Variants in PRRC2A observed in about 807,000 individuals in gnomAD.
PRRC2A encodes the protein proline rich coiled-coil 2A, also known as protein PRRC2A.
Under a neutral mutation model 224.6 loss-of-function variants are expected in PRRC2A, and 59 were observed. The observed-to-expected ratio is 0.26, with a 90% CI of 0.21 to 0.33. The LOEUF (loss-of-function observed/expected upper bound fraction) is 0.33, where lower values mean the gene tolerates loss of function less well. PRRC2A is among the 10% of genes least tolerant of loss of function. The pLI, the probability that PRRC2A is intolerant of heterozygous loss-of-function variation, is 1.00. For synonymous variants in PRRC2A, 1,194 were observed against 1,109.5 expected, an observed-to-expected ratio of 1.08 and a Z score of -1.51; for missense variants, 3,095 against 2,880.7, an observed-to-expected ratio of 1.07 and a Z score of -1.70.
Position 31,633,421 on chromosome 6 carries a change from C to A in PRRC2A, c.4362C>A (p.Pro1454=). ...GTCCCCCGGGGCTTCCCCTGCCTCCCCCACCTCCCAGCAGTTCTGCTGTCT... is the reference window on the plus strand; with the variant it reads ...GTCCCCCGGGGCTTCCCCTGCCTCCACCACCTCCCAGCAGTTCTGCTGTCT... ...EERPPGLPLP[P]PPPSSSAVFR... The change falls in exon 17 of 31, where the codon CCC becomes CCA. Residue 1454 remains proline (P), a synonymous_variant. Transcript: ENST00000376033. 1 of 1,613,066 alleles carries A rather than the reference C, an allele frequency of 6.2e-7. No homozygotes were observed. Among genetic ancestry groups the A allele is most frequent in the Non-Finnish European group, 8.5e-7 (1 of 1,180,014 alleles).
At chr6:31,630,280 G>A (rs182385042) in intron 14 of PRRC2A, among the ~76,000 whole-genome samples, 30 of 152,278 alleles carry the variant, frequency 2.0e-4, no homozygotes, top group African/African-American at 4.6e-4. Context: ...TTGTGCCATC[G>A]CACTCCAGCT....
rs1286737487 is a variant in PRRC2A, at chr6:31,636,270, G to A, written c.5686G>A (p.Ala1896Thr). ...TCCCTCAGCACTGCTCTCTGGGTTA[G>A]CTCTCAAGGGCCAGTTTCTGGATTT... ...APPSALLSGL[A>T]LKGQFLDFST... The change falls in exon 26 of 31, where the codon GCT becomes ACT. Residue 1896 changes from alanine to threonine, a missense_variant. Ala to Thr is a moderately conservative substitution (Grantham distance 58, BLOSUM62 0). Coordinates refer to ENST00000376033, the MANE Select transcript of PRRC2A (RefSeq NM_004638.4). The surrounding 1 kb of genome is among the most constrained non-coding windows in gnomAD (Gnocchi z 4.3). 1 of 1,612,950 alleles carries A rather than the reference G, an allele frequency of 6.2e-7. No homozygotes were observed. Among genetic ancestry groups the A allele is most frequent in the Non-Finnish European group, 8.5e-7 (1 of 1,179,982 alleles).
At position 31,632,515 on chromosome 6, in the gene PRRC2A, C is replaced by T. The variant is rs1415812634; in HGVS notation, c.3842C>T (p.Ala1281Val). The T allele has an allele frequency of 3.1e-6, 5 of 1,608,538 alleles. No homozygotes were observed. The highest frequency in any genetic ancestry group is 4.5e-5 in the East Asian group (2 of 44,816). ...GGCAAGCCCTCCCTAACCCTTCCAG[C>T]CTCCGCTCCTGGACCTGAGGAGGCC... is the stretch of plus-strand genomic sequence containing the variant. ...SEGKPSLTLPASAPGPEEALT... is the reference protein window; with the variant it reads ...SEGKPSLTLPVSAPGPEEALT... Residue 1281 changes from alanine to valine, a missense_variant, in exon 16 of 31, where the codon GCC becomes GTC. This residue lies in a region of PRRC2A where 2,001 missense variants were observed against 1,764.9 expected (regional missense o/e 1.13). Transcript: ENST00000376033.
At position 31,627,845 on chromosome 6, in the gene PRRC2A, A is replaced by C. The variant is rs561276579; in HGVS notation, c.1371A>C (p.Ser457=). The change falls in exon 12 of 31, where the codon TCA becomes TCC. Residue 457 remains serine (S), a synonymous_variant. Coordinates refer to ENST00000376033, the MANE Select transcript of PRRC2A (RefSeq NM_004638.4). This position sits in a 1 kb window ranked among gnomAD's most constrained non-coding sequence, Gnocchi z 5.6. ...GGCGGCAGCGACGAAAGCAGTCGTCATCTGAGATTTCCCTGGCAGTGGAGC... is the reference window on the plus strand; with the variant it reads ...GGCGGCAGCGACGAAAGCAGTCGTCCTCTGAGATTTCCCTGGCAGTGGAGC... ...EAWRQRRKQS[S]SEISLAVERA... is the part of the protein sequence containing the mutation. 2.5e-6 allele frequency: 4 copies of C among 1,613,006 alleles called. No individual in the cohort carries two copies. The highest frequency in any genetic ancestry group is 3.4e-6 in the Non-Finnish European group (4 of 1,180,050).
chr6:31,633,061 A>G (rs973533947), intron 16 of PRRC2A, 69 bp downstream of exon 16: 63 of 1,442,060 alleles, frequency 4.4e-5, no homozygotes, highest in African/African-American at 1.0e-4. Context: ...TGAGGGAAAG[A>G]TAAGTTTGGG....
At chr6:31,634,136 G>C (rs926232904) in intron 18 of PRRC2A, 100 bp from the exon 19 acceptor site, 17 of 1,563,846 alleles carry the variant, frequency 1.1e-5, no homozygotes, top group Non-Finnish European at 1.4e-5. Context: ...TGTCTCCCTT[G>C]TTGTCCCCAC....
Position 31,632,531 on chromosome 6 carries a change from T to C in PRRC2A, c.3858T>C (p.Pro1286=). 1 of 1,609,838 alleles carries C rather than the reference T, an allele frequency of 6.2e-7. No homozygotes were observed. Among genetic ancestry groups the C allele is most frequent in the Non-Finnish European group, 8.5e-7 (1 of 1,177,882 alleles). ...SLTLPASAPG[P]EEALTTVTVA... ...CCCTTCCAGCCTCCGCTCCTGGACCTGAGGAGGCCCTCACAACAGTCACAG... is the reference window on the plus strand; with the variant it reads ...CCCTTCCAGCCTCCGCTCCTGGACCCGAGGAGGCCCTCACAACAGTCACAG... Residue 1286 remains proline, a synonymous_variant, in exon 16 of 31, where the codon CCT becomes CCC. Transcript: ENST00000376033.
chr6:31,623,231 C>G, intron 2 of PRRC2A: 3 of 599,174 alleles, frequency 5.0e-6, no homozygotes, highest in East Asian at 7.1e-5. Context: ...TGTTACATAT[C>G]TCAGCCTTCT....
chr6:31,624,803 C>CTTTTT, intron 5 of PRRC2A: 2 of 459,080 alleles, frequency 4.4e-6, no homozygotes, highest in Non-Finnish European at 7.8e-6. Flanking sequence ...GAGCCTTCCA[C>CTTTTT]TTTTTTTTTT....
At chr6:31,630,838 T>G in intron 15 of PRRC2A, 37 bp downstream of exon 15, 1 of 1,604,730 alleles carries the variant, frequency 6.2e-7, no homozygotes, top group Non-Finnish European at 8.5e-7. Context: ...GAGTTCACAG[T>G]GAAAGGATCT....
Position 31,636,989 on chromosome 6 carries a change from G to C in PRRC2A, c.6147+44G>C. On this transcript the variant is annotated intron_variant, in intron 28 of 30. Transcript: ENST00000376033. This position sits in a 1 kb window ranked among gnomAD's most constrained non-coding sequence, Gnocchi z 4.3. ...GGGGCTAGGGAGCGCCAAGACTTGG[G>C]AGTAGGGATTCTGTATTTCAAGGTA... 1 of 1,600,572 alleles carries C rather than the reference G, an allele frequency of 6.2e-7. No homozygotes were observed. Among genetic ancestry groups the C allele is most frequent in the Non-Finnish European group, 8.5e-7 (1 of 1,171,562 alleles).
chr6:31,627,287 G>C lies in PRRC2A; in HGVS notation c.1290+89G>C, dbSNP rs1470644447. 7 of 976,694 alleles carry C rather than the reference G, an allele frequency of 7.2e-6. No individual in the cohort carries two copies. The highest frequency in any genetic ancestry group is 4.9e-5 in the African/African-American group (3 of 60,680). The allele number at this position is 976,694 out of a possible 1,614,324, so 60.5% of individuals were successfully genotyped here. On this transcript the variant is annotated intron_variant, in intron 11 of 30. Transcript: ENST00000376033. This position sits in a 1 kb window ranked among gnomAD's most constrained non-coding sequence, Gnocchi z 5.6. ...TGAAGCGGTTGTGATATAGAGGAAGGGGGGTGCTAAAAATGGGCTGTGTGA... is the reference window on the plus strand; with the variant it reads ...TGAAGCGGTTGTGATATAGAGGAAGCGGGGTGCTAAAAATGGGCTGTGTGA...
At chr6:31,624,021 T>G in intron 3 of PRRC2A, 112 bp downstream of exon 3, 3 of 1,327,014 alleles carry the variant, frequency 2.3e-6, no homozygotes, top group Non-Finnish European at 3.1e-6. Flanking sequence ...AAGAGGTCCC[T>G]TTCTTACCTA....
Position 31,634,225 on chromosome 6 carries a change from C to T in PRRC2A, c.4720-11C>T, listed in dbSNP as rs1049968037. On this transcript the variant is annotated splice_polypyrimidine_tract_variant and intron_variant, in intron 18 of 30. Coordinates refer to ENST00000376033, the MANE Select transcript of PRRC2A (RefSeq NM_004638.4). ...AATTCATGTTTTGCTTCTGGCCCTT[C>T]TCATCTGTAGGAATCTTTGCCACCT... 4 of 1,579,664 alleles carry T rather than the reference C, an allele frequency of 2.5e-6. No homozygotes were observed. In the African/African-American group the frequency reaches 5.5e-5, roughly 22 times the overall value.
intron 2 of PRRC2A, 31 bp downstream of exon 2, chr6:31,622,932 T>A (rs756854301): frequency 4.5e-6 from 7 of 1,571,072 alleles, no homozygotes; most frequent in Non-Finnish European, 6.1e-6. Context: ...CTTCTGATGG[T>A]TGAAAGCTAG....
intron 13 of PRRC2A, 49 bp downstream of exon 13, chr6:31,629,383 C>T (rs760948983): frequency 3.4e-5 from 52 of 1,523,088 alleles, no homozygotes; most frequent in African/African-American, 4.2e-5. Flanking sequence ...TTCCTGGCTT[C>T]GGTCCCTAAT....
At position 31,631,790 on chromosome 6, in the gene PRRC2A, G is replaced by T. The variant is rs1393455510; in HGVS notation, c.3117G>T (p.Arg1039=). The T allele has an allele frequency of 6.4e-7, 1 of 1,560,060 alleles. No homozygotes were observed. The highest frequency in any genetic ancestry group is 1.2e-5 in the South Asian group (1 of 84,024). ...ATTTTGCCAGAGGGAGGGGTTTTCG[G>T]GGGACCTATGGGGGACGAGGGCGGG... ...GEYFARGRGF[R]GTYGGRGRGA... The change falls in exon 16 of 31, where the codon CGG becomes CGT. Residue 1039 remains arginine (R), a synonymous_variant. Coordinates refer to ENST00000376033, the MANE Select transcript of PRRC2A (RefSeq NM_004638.4). The surrounding 1 kb of genome is among the most constrained non-coding windows in gnomAD (Gnocchi z 4.5).
At chr6:31,621,320 C>G (rs1229262221) in intron 1 of PRRC2A, among the ~76,000 whole-genome samples, 2 of 152,094 alleles carry the variant, frequency 1.3e-5, no homozygotes, top group Admixed American at 6.5e-5. Context: ...CTCTTCGTGT[C>G]GAGCCACTCC....
At chr6:31,621,280 C>G (rs1227989351) in intron 1 of PRRC2A, among the ~76,000 whole-genome samples, 1 of 151,976 alleles carries the variant, frequency 6.6e-6, no homozygotes, top group Non-Finnish European at 1.5e-5. Flanking sequence ...CTCCTATCAT[C>G]CAGCGCTGTG....
Sources: gnomAD v4.1 joint callset for allele counts (sites outside exome capture counted in the v4.1 genomes callset) on GRCh38, gnomAD v4.1.1 for gene constraint, gnomAD v4.1.1 regional missense constraint, Gnocchi (gnomAD v3.1) non-coding constraint, MANE v1.5 for transcripts, NCBI Gene and HGNC (gene_info 2026-07-23, HGNC 2026-07-21) for gene names.